The following KCNB2 variants were observed in gnomAD, a reference collection of about 807,000 sequenced individuals.
The protein encoded by KCNB2 is delayed rectifier potassium channel protein.
In KCNB2, 15 loss-of-function variants were observed where a neutral mutation model predicts 61.5. The ratio of observed to expected loss-of-function variants is 0.24; its 90% CI spans 0.16 to 0.38. The LOEUF is 0.38. Ranked by LOEUF, KCNB2 falls within the 10% of genes least tolerant of loss-of-function variation. KCNB2 has a pLI of 1.00. For synonymous variants in KCNB2, 457 were observed against 446.0 expected (o/e 1.02, Z -0.31); for missense variants, 828 against 1,125.2 (o/e 0.74, Z 3.78).
At chr8:72,591,874 G>A (rs1807105531) in intron 2 of KCNB2, among the ~76,000 whole-genome samples, 2 of 151,918 alleles carry the variant, frequency 1.3e-5, no homozygotes, top group Non-Finnish European at 2.9e-5. Flanking sequence ...CATTTATAAT[G>A]TTAGCCTTTT....
At chr8:72,648,811 A>G (rs1379522651) in intron 2 of KCNB2, among the ~76,000 whole-genome samples, 1 of 152,274 alleles carries the variant, frequency 6.6e-6, no homozygotes, top group East Asian at 1.9e-4. Context: ...TCTTGTCTAA[A>G]TAGCTTTTAT....
chr8:72,588,669 A>G (rs1234237043), intron 2 of KCNB2, among the ~76,000 whole-genome samples: 1 of 152,240 alleles, frequency 6.6e-6, no homozygotes, highest in African/African-American at 2.4e-5. Context: ...GAAGGCAGGA[A>G]GATTGCATGA....
At chr8:72,683,624 G>A (rs1302088961) in intron 2 of KCNB2, among the ~76,000 whole-genome samples, 1 of 152,196 alleles carries the variant, frequency 6.6e-6, no homozygotes, top group Non-Finnish European at 1.5e-5. Flanking sequence ...TGGTCAGGGA[G>A]AGCAGGACAC....
At chr8:72,932,744 A>G (rs948291138) in intron 2 of KCNB2, among the ~76,000 whole-genome samples, 1 of 152,218 alleles carries the variant, frequency 6.6e-6, no homozygotes, top group Non-Finnish European at 1.5e-5. Flanking sequence ...CTGGCTTGCC[A>G]CATAAGTGCC....
chr8:72,583,919 A>G (rs1281594582), intron 2 of KCNB2, among the ~76,000 whole-genome samples: 1 of 149,270 alleles, frequency 6.7e-6, no homozygotes, highest in Non-Finnish European at 1.5e-5. Context: ...TTCATAATTT[A>G]GATTTCAACA....
intron 2 of KCNB2, among the ~76,000 whole-genome samples, chr8:72,668,913 A>T (rs970858990): frequency 6.6e-6 from 1 of 151,844 alleles, no homozygotes; most frequent in Admixed American, 6.6e-5. Flanking sequence ...TTTATATTAT[A>T]TATTTGTGTG....
chr8:72,888,801 T>G (rs1436328080), intron 2 of KCNB2, among the ~76,000 whole-genome samples: 3 of 152,164 alleles, frequency 2.0e-5, no homozygotes, highest in Non-Finnish European at 4.4e-5. Flanking sequence ...CATAATTATT[T>G]TATTTAGAAG....
At chr8:72,669,370 T>C (rs1806526933) in intron 2 of KCNB2, among the ~76,000 whole-genome samples, 1 of 152,226 alleles carries the variant, frequency 6.6e-6, no homozygotes, top group Non-Finnish European at 1.5e-5. Context: ...ACATTTTGTT[T>C]TGAATTTGAC....
intron 2 of KCNB2, among the ~76,000 whole-genome samples, chr8:72,900,184 G>A (rs985700499): frequency 6.6e-6 from 1 of 152,060 alleles, no homozygotes. Context: ...GATCCCAGAA[G>A]TAAAGCTACA....
At chr8:72,756,148 A>G (rs1808286502) in intron 2 of KCNB2, among the ~76,000 whole-genome samples, 3 of 152,194 alleles carry the variant, frequency 2.0e-5, no homozygotes, top group Non-Finnish European at 4.4e-5. Flanking sequence ...AGTCAGGAGC[A>G]GGCTCTGAAA....
At chr8:72,752,952 G>A (rs565988869) in intron 2 of KCNB2, among the ~76,000 whole-genome samples, 1 of 152,302 alleles carries the variant, frequency 6.6e-6, no homozygotes, top group Admixed American at 6.5e-5. Flanking sequence ...CATAAAATCA[G>A]TGCTGACATT....
intron 2 of KCNB2, among the ~76,000 whole-genome samples, chr8:72,573,041 G>C (rs1806738976): frequency 6.6e-6 from 1 of 152,100 alleles, no homozygotes; most frequent in Non-Finnish European, 1.5e-5. Context: ...ACAGAGCCAG[G>C]GGTCCAAATT....
intron 2 of KCNB2, among the ~76,000 whole-genome samples, chr8:72,787,971 G>A (rs1310165997): frequency 2.0e-5 from 3 of 152,086 alleles, no homozygotes; most frequent in African/African-American, 7.2e-5. Flanking sequence ...CTTACTGTTT[G>A]TGACTTTAGG....
chr8:72,785,027 A>T (rs1047116156), intron 2 of KCNB2, among the ~76,000 whole-genome samples: 1 of 152,132 alleles, frequency 6.6e-6, no homozygotes, highest in Non-Finnish European at 1.5e-5. Context: ...AGACTTTCAG[A>T]TTTTTTAAAA....
At chr8:72,548,209 C>CT (rs1282199174) in intron 1 of KCNB2, among the ~76,000 whole-genome samples, 8 of 152,048 alleles carry the variant, frequency 5.3e-5, no homozygotes, top group Admixed American at 4.6e-4. Context: ...TGTAACTTGC[C>CT]TTATTGAGGT....
chr8:72,705,110 C>T (rs1376680596), intron 2 of KCNB2, among the ~76,000 whole-genome samples: 1 of 152,140 alleles, frequency 6.6e-6, no homozygotes, highest in Non-Finnish European at 1.5e-5. Flanking sequence ...TCTTATTTAG[C>T]TCAGATGGAC....
At chr8:72,736,171 G>GC (rs1191813829) in intron 2 of KCNB2, among the ~76,000 whole-genome samples, 1 of 44,288 alleles carries the variant, frequency 2.3e-5, no homozygotes, top group Non-Finnish European at 4.1e-5. Flanking sequence ...AACTTAATGT[G>GC]AATTGAAACA....
chr8:72,706,343 A>C (rs1446694702), intron 2 of KCNB2, among the ~76,000 whole-genome samples: 2 of 152,224 alleles, frequency 1.3e-5, no homozygotes, highest in Non-Finnish European at 2.9e-5. Context: ...GAAGTGCATC[A>C]TGGATTTTGG....
chr8:72,636,276 C>T (rs144293356), intron 2 of KCNB2, among the ~76,000 whole-genome samples: 13 of 152,204 alleles, frequency 8.5e-5, no homozygotes, highest in African/African-American at 2.9e-4. Flanking sequence ...AGCAATAAAT[C>T]GTCGCTCAGG....
Sources: gnomAD v4.1 joint callset for allele counts (sites outside exome capture counted in the v4.1 genomes callset) on GRCh38, gnomAD v4.1.1 for gene constraint, MANE v1.5 for transcripts, NCBI Gene and HGNC (gene_info 2026-07-23, HGNC 2026-07-21) for gene names.